Variants in MCM3AP observed in about 807,000 individuals in gnomAD.
MCM3AP encodes minichromosome maintenance complex component 3 associated protein.
MCM3AP carries 126 observed loss-of-function variants against 184.1 expected under a neutral mutation model. That is an observed-to-expected ratio of 0.68 (90% CI 0.59 to 0.79). The LOEUF is 0.79. Ranked by LOEUF, MCM3AP falls within the 30% of genes least tolerant of loss-of-function variation. The pLI is 0.00. For missense variants in MCM3AP, 2,496 were observed against 2,479.2 expected (o/e 1.01, Z -0.14); for synonymous variants, 1,002 against 979.3 (o/e 1.02, Z -0.43).
At chr21:46,273,617 T>C (rs757464558) in intron 6 of MCM3AP, 32 bp from the exon 7 acceptor site, 5 of 1,592,060 alleles carry the variant, frequency 3.1e-6, no homozygotes, top group African/African-American at 1.3e-5. Flanking sequence ...AGGATGCCCA[T>C]GTGGCATACC....
chr21:46,272,224 T>C (rs1331692346), intron 8 of MCM3AP, among the ~76,000 whole-genome samples: 3 of 152,226 alleles, frequency 2.0e-5, no homozygotes, highest in Non-Finnish European at 2.9e-5. Flanking sequence ...GCTAACAACC[T>C]TGCAGGGCAC....
chr21:46,240,671 T>C, intron 26 of MCM3AP, 140 bp downstream of exon 26: 1 of 713,056 alleles, frequency 1.4e-6, no homozygotes, highest in Non-Finnish European at 2.4e-6. Context: ...TTTTAAATAG[T>C]TACATCACTA....
chr21:46,237,406 TTTA>T (rs1387455144), intron 26 of MCM3AP, among the ~76,000 whole-genome samples: 1 of 150,984 alleles, frequency 6.6e-6, no homozygotes, highest in Non-Finnish European at 1.5e-5. Context: ...CTTGGCCAAT[TTTA>T]TTATTATTTT....
chr21:46,271,020 G>A (rs142835681), intron 8 of MCM3AP, among the ~76,000 whole-genome samples: 1 of 152,326 alleles, frequency 6.6e-6, no homozygotes, highest in East Asian at 1.9e-4. Flanking sequence ...ACTGTCAGCT[G>A]TGCTGGATGG....
intron 1 of MCM3AP, 67 bp downstream of exon 1, chr21:46,284,001 A>G: frequency 1.3e-6 from 2 of 1,557,824 alleles, no homozygotes; most frequent in Non-Finnish European, 1.7e-6. Context: ...TCAAGCTAAC[A>G]CCCAGAGAAA....
At chr21:46,257,744 C>T (rs998246293) in intron 16 of MCM3AP, among the ~76,000 whole-genome samples, 1 of 151,700 alleles carries the variant, frequency 6.6e-6, no homozygotes, top group Non-Finnish European at 1.5e-5. Flanking sequence ...TATGGTGAAA[C>T]CCCATCTCTA....
At chr21:46,247,026 G>T (rs1448392202) in intron 20 of MCM3AP, 140 bp from the exon 21 acceptor site, 1 of 755,364 alleles carries the variant, frequency 1.3e-6, no homozygotes, top group East Asian at 2.6e-5. Flanking sequence ...CAAGGGCACA[G>T]CTGGGCATAC....
chr21:46,246,580 C>A, intron 21 of MCM3AP, 48 bp downstream of exon 21: 1 of 1,598,764 alleles, frequency 6.3e-7, no homozygotes, highest in African/African-American at 1.3e-5. Context: ...GGGCCTCCAC[C>A]CATTTATTAA....
intron 20 of MCM3AP, among the ~76,000 whole-genome samples, chr21:46,247,416 C>T (rs1256132073): frequency 6.6e-6 from 1 of 151,428 alleles, no homozygotes; most frequent in African/African-American, 2.4e-5. Flanking sequence ...GATGGAGTCT[C>T]ACTCTGTCGC....
At chr21:46,277,144 G>T (rs1429322156) in intron 5 of MCM3AP, among the ~76,000 whole-genome samples, 2 of 152,148 alleles carry the variant, frequency 1.3e-5, no homozygotes, top group South Asian at 4.2e-4. Context: ...AGTGTTAATG[G>T]AATACTTACT....
At chr21:46,251,765 A>G in intron 19 of MCM3AP, 83 bp from the exon 20 acceptor site, 1 of 880,982 alleles carries the variant, frequency 1.1e-6, no homozygotes, top group Non-Finnish European at 1.7e-6. Flanking sequence ...CTTTCAGGAA[A>G]AGAAGAAAGA....
In MCM3AP at chr21:46,245,152, G is replaced by C; in HGVS notation, c.4693C>G (p.Leu1565Val). 2 of 1,614,174 alleles carry C rather than the reference G, an allele frequency of 1.2e-6. No individual in the cohort carries two copies. The highest frequency in any genetic ancestry group is 1.7e-6 in the Non-Finnish European group (2 of 1,180,004). The stretch of plus-strand genomic sequence containing the variant: ...ATGAGAGTCTGGCAGCAGAGGTCAA[G>C]GGAATGGGGGCAGTGGGAAACCAGC... The part of the protein sequence containing the change: ...QWLVSHCPHS[L>V]DLCCQTLIQY... The change falls in exon 23 of 28, where the codon CTT becomes GTT. Residue 1565 changes from leucine to valine, a missense_variant. Physicochemically the swap from Leu to Val is conservative, Grantham distance 32. This residue lies in a region of MCM3AP where 1,323 missense variants were observed against 1,273.4 expected (regional missense o/e 1.04). Coordinates refer to ENST00000291688, the MANE Select transcript of MCM3AP (RefSeq NM_003906.5).
chr21:46,257,474 CAAAAAAAA>C (rs369556689), intron 16 of MCM3AP, among the ~76,000 whole-genome samples: 1 of 49,346 alleles, frequency 2.0e-5, no homozygotes, highest in Non-Finnish European at 3.6e-5. Context: ...GGCTCCGTCT[CAAAAAAAA>C]AAAAAAAAAA....
Position 46,283,725 on chromosome 21 carries a change from A to C in MCM3AP, c.1333T>G (p.Tyr445Asp). 1 of 1,613,766 alleles carries C rather than the reference A, an allele frequency of 6.2e-7. No homozygotes were observed. Among genetic ancestry groups the C allele is most frequent in the Non-Finnish European group, 8.5e-7 (1 of 1,179,640 alleles). ...TCCAGAATGGTCCTGTCGTTGAGGTAGTCAGGGATGTTCTTGCACTGGATG... is the reference window on the plus strand; with the variant it reads ...TCCAGAATGGTCCTGTCGTTGAGGTCGTCAGGGATGTTCTTGCACTGGATG... ...TAIQCKNIPDYLNDRTILENH... is the reference protein window; with the variant it reads ...TAIQCKNIPDDLNDRTILENH... Residue 445 changes from tyrosine to aspartate, a missense_variant, in exon 2 of 28, where the codon TAC becomes GAC. Coordinates refer to ENST00000291688, the MANE Select transcript of MCM3AP (RefSeq NM_003906.5).
rs2081195796 is a variant in MCM3AP at position 46,272,624 on chromosome 21, GC to G, written c.2401del (p.Ala801ProfsTer21). On this transcript the variant is annotated frameshift_variant, in exon 8 of 28. Coordinates refer to ENST00000291688, the MANE Select transcript of MCM3AP (RefSeq NM_003906.5). LOFTEE classifies it high-confidence loss of function. The stretch of plus-strand genomic sequence containing the variant: ...GTAGCCCTGGAACTCCGCTTCGCTG[GC>G]ACAGAAGACACCCTTGTTTCTCAGG... ...QDLRNKGVFC[A>X]SEAEFQGYNV... 1 of 1,614,150 alleles carries G rather than the reference GC, an allele frequency of 6.2e-7. No homozygotes were observed. Among genetic ancestry groups the G allele is most frequent in the Admixed American group, 1.7e-5 (1 of 60,022 alleles).
Position 46,283,781 on chromosome 21 carries a change from A to G in MCM3AP, c.1277T>C (p.Leu426Pro). ...QSNRSESTDS[L>P]GGLSPSEVTA... ...GACTTCAGAGGGAGACAAGCCCCCA[A>G]GACTGTCTGTGCTCTCGCTTCTGTT... The change falls in exon 2 of 28, where the codon CTT becomes CCT. Residue 426 changes from leucine (L) to proline (P), a missense_variant. Coordinates refer to ENST00000291688, the MANE Select transcript of MCM3AP (RefSeq NM_003906.5). The G allele has an allele frequency of 6.2e-7, 1 of 1,614,158 alleles. No homozygotes were observed. The highest frequency in any genetic ancestry group is 1.1e-5 in the South Asian group (1 of 91,082).
intron 8 of MCM3AP, among the ~76,000 whole-genome samples, 188 bp from the exon 9 acceptor site, chr21:46,270,751 C>G (rs1239686152): frequency 6.6e-6 from 1 of 152,174 alleles, no homozygotes; most frequent in East Asian, 1.9e-4. Context: ...CTGCAGTGAG[C>G]TGTGATCGCA....
At chr21:46,251,998 A>G (rs965774601) in intron 19 of MCM3AP, 1 of 207,758 alleles carries the variant, frequency 4.8e-6, no homozygotes, top group Admixed American at 5.4e-5. Context: ...CTGAGACTAC[A>G]GGCACGGGCC....
intron 9 of MCM3AP, among the ~76,000 whole-genome samples, chr21:46,269,025 G>A (rs746941220): frequency 7.9e-5 from 12 of 152,164 alleles, no homozygotes; most frequent in South Asian, 2.1e-4. Context: ...GCAACAGAGC[G>A]AGACTCCATC....
Sources: gnomAD v4.1 joint callset for allele counts (sites outside exome capture counted in the v4.1 genomes callset) on GRCh38, gnomAD v4.1.1 for gene constraint, gnomAD v4.1.1 regional missense constraint, MANE v1.5 for transcripts, NCBI Gene and HGNC (gene_info 2026-07-23, HGNC 2026-07-21) for gene names.